ALDH8A1: variants seen among roughly 807,000 people sequenced by gnomAD.
ALDH8A1 encodes the protein aldehyde dehydrogenase 8 family member A1.
A neutral mutation model predicts 43.3 loss-of-function variants in ALDH8A1; 39 were observed. That is an observed-to-expected ratio of 0.90 (90% confidence interval 0.70 to 1.18). The LOEUF (loss-of-function observed/expected upper bound fraction) is 1.18, where lower values mean the gene tolerates loss of function less well. Ranked by LOEUF, ALDH8A1 falls within the 50% of genes most tolerant of loss-of-function variation. ALDH8A1 has a pLI of 0.00. For missense variants in ALDH8A1, 605 were observed against 622.6 expected (o/e 0.97, Z 0.30); for synonymous variants, 233 against 243.5 (o/e 0.96, Z 0.40).
intron 6 of ALDH8A1, among the ~76,000 whole-genome samples, chr6:134,919,949 C>T (rs1035536846): frequency 6.6e-6 from 1 of 152,196 alleles, no homozygotes; most frequent in Admixed American, 6.5e-5. Context: ...CACTCTGTCA[C>T]CTGGGCTGCA....
intron 2 of ALDH8A1, among the ~76,000 whole-genome samples, 186 bp downstream of exon 2, chr6:134,943,633 T>A (rs1339592872): frequency 6.6e-6 from 1 of 152,222 alleles, no homozygotes; most frequent in Non-Finnish European, 1.5e-5. Flanking sequence ...GCCATCTGAA[T>A]GAGACAGGGC....
At chr6:134,938,357 C>A (rs1488570450) in intron 4 of ALDH8A1, among the ~76,000 whole-genome samples, 6 of 152,232 alleles carry the variant, frequency 3.9e-5, no homozygotes, top group African/African-American at 1.4e-4. Context: ...CAGAACAAAA[C>A]CAGGAGCGCA....
intron 3 of ALDH8A1, among the ~76,000 whole-genome samples, chr6:134,941,843 A>G (rs1037578405): frequency 1.3e-5 from 2 of 151,962 alleles, no homozygotes; most frequent in Non-Finnish European, 2.9e-5. Flanking sequence ...TTTTTTAAAT[A>G]TAAGTAGAAA....
chr6:134,947,772 A>G (rs1488300188), intron 1 of ALDH8A1, among the ~76,000 whole-genome samples: 12 of 152,040 alleles, frequency 7.9e-5, no homozygotes, highest in Admixed American at 7.9e-4. Flanking sequence ...GCAAAAAAAA[A>G]GGGAAGACAA....
Position 134,922,207 on chromosome 6 carries a change from T to C in ALDH8A1, c.1012-3340A>G, listed in dbSNP as rs899474811. On this transcript the variant is annotated intron_variant, in intron 6 of 6. Coordinates refer to ENST00000265605, the MANE Select transcript of ALDH8A1 (RefSeq NM_022568.4). ...GCATTGTGGGCAGAGCTGAGAGGAG[T>C]TCTACTCTATGTGGGAGGGATCAGA... 1.3e-4 allele frequency among the ~76,000 whole-genome samples: 19 copies of C among 151,874 alleles called. No homozygotes were observed. In the East Asian group the frequency reaches 3.7e-3, roughly 29 times the overall value.
rs767791192 is a variant in ALDH8A1 at position 134,943,955 on chromosome 6, C to G, written c.150G>C (p.Ala50=). The change falls in exon 2 of 7, where the codon GCG becomes GCC. Residue 50 remains alanine (A), a synonymous_variant. Coordinates refer to ENST00000265605, the MANE Select transcript of ALDH8A1 (RefSeq NM_022568.4). The part of the protein sequence containing the change: ...PNSGKDEIEA[A]VKAAREAFPS... ...GAAAGGCTTCTCTGGCGGCCTTGAC[C>G]GCGGCTTCGATCTTTGAGGAGCAAA... 4 of 1,613,780 alleles carry G rather than the reference C, an allele frequency of 2.5e-6. No individual in the cohort carries two copies. The South Asian group carries it at 3.3e-5, about 13-fold the overall frequency.
At chr6:134,919,169 T>C (rs1776757527) in intron 6 of ALDH8A1, among the ~76,000 whole-genome samples, 1 of 152,242 alleles carries the variant, frequency 6.6e-6, no homozygotes, top group Admixed American at 6.5e-5. Context: ...TTATTAGCTA[T>C]TGTTAATCTA....
At chr6:134,942,927 G>C (rs542005744) in intron 2 of ALDH8A1, among the ~76,000 whole-genome samples, 37 of 152,200 alleles carry the variant, frequency 2.4e-4, no homozygotes, top group Non-Finnish European at 4.6e-4. Flanking sequence ...CGGGTGTTAG[G>C]ACAGTTGTAA....
At chr6:134,947,830 G>T (rs1381230777) in intron 1 of ALDH8A1, among the ~76,000 whole-genome samples, 1 of 141,850 alleles carries the variant, frequency 7.0e-6, no homozygotes, top group African/African-American at 2.8e-5. Context: ...TATGGAAAAC[G>T]CATGTAGGTT....
intron 6 of ALDH8A1, 116 bp from the exon 7 acceptor site, chr6:134,918,983 A>C: frequency 2.5e-6 from 3 of 1,192,912 alleles, no homozygotes; most frequent in Non-Finnish European, 3.5e-6. Flanking sequence ...ATTCCTAAGA[A>C]ATCTATGGTC....
At position 134,949,974 on chromosome 6, in the gene ALDH8A1, G is replaced by A. The variant is rs1024690743; in HGVS notation, c.80C>T (p.Ser27Phe). Reference protein sequence around the residue: ...KFLPCSSYIDSYDPSTGEVYC... With the variant: ...KFLPCSSYIDFYDPSTGEVYC... ...CACTTCCCCTGTTGATGGGTCGTAAGAATCTATATATGAGCTACAAGGTAA... is the reference window on the plus strand; with the variant it reads ...CACTTCCCCTGTTGATGGGTCGTAAAAATCTATATATGAGCTACAAGGTAA... The change falls in exon 1 of 7, where the codon TCT (serine) becomes TTT (phenylalanine). Residue 27 changes from serine (S) to phenylalanine (F), a missense_variant. Transcript: ENST00000265605. 5.0e-6 allele frequency: 8 copies of A among 1,612,872 alleles called. No individual in the cohort carries two copies.
intron 6 of ALDH8A1, among the ~76,000 whole-genome samples, chr6:134,926,345 G>A (rs1057397923): frequency 1.5e-4 from 22 of 151,678 alleles, no homozygotes; most frequent in Non-Finnish European, 2.8e-4. Flanking sequence ...GATTACAGGC[G>A]TGCGCCACAA....
Position 134,950,084 on chromosome 6 carries a change from C to G in ALDH8A1, c.-31G>C. 6.3e-7 allele frequency: 1 copy of G among 1,580,494 alleles called. No homozygotes were observed. Among genetic ancestry groups the G allele is most frequent in the Non-Finnish European group, 8.6e-7 (1 of 1,162,586 alleles). Reference sequence around the variant, plus strand: ...GGAAAAATTCTGCCTTTCCTCTTTACGACTGAGCACTCAGGTTGTCCCCAC... The same window carrying G: ...GGAAAAATTCTGCCTTTCCTCTTTAGGACTGAGCACTCAGGTTGTCCCCAC... On this transcript the variant is annotated 5_prime_UTR_variant, in exon 1 of 7. Coordinates refer to ENST00000265605, the MANE Select transcript of ALDH8A1 (RefSeq NM_022568.4).
chr6:134,937,975 A>T (rs74481340), intron 4 of ALDH8A1, among the ~76,000 whole-genome samples: 1 of 152,136 alleles, frequency 6.6e-6, no homozygotes, highest in Non-Finnish European at 1.5e-5. Flanking sequence ...CGTTCCCTAA[A>T]CAGCCTCAGT....
chr6:134,930,883 C>T (rs767798645), intron 5 of ALDH8A1, among the ~76,000 whole-genome samples: 19 of 152,310 alleles, frequency 1.2e-4, no homozygotes, highest in South Asian at 4.1e-4. Context: ...CCAGACACTG[C>T]GCAGGGTGCT....
chr6:134,918,667 A>G lies in ALDH8A1; in HGVS notation c.1212T>C (p.Ser404=). The G allele has an allele frequency of 6.2e-7, 1 of 1,614,114 alleles. No individual in the cohort carries two copies. Among genetic ancestry groups the G allele is most frequent in the South Asian group, 1.1e-5 (1 of 91,084 alleles). Residue 404 remains serine, a synonymous_variant, in exon 7 of 7, where the codon AGT becomes AGC. Transcript: ENST00000265605. ...TGGCTCTTTCAATCACCTCCTCTTC[A>G]CTATCAAAGGGGACGACACACGTCA... ...GPVTCVVPFD[S]EEEVIERANN...
rs531189491 is a variant in ALDH8A1, at chr6:134,939,101, C to A, written c.592+165G>T. 1.7e-3 allele frequency among the ~76,000 whole-genome samples: 264 copies of A among 152,226 alleles called. 1 individual carries two copies. The highest frequency in any genetic ancestry group is 5.8e-3 in the African/African-American group (239 of 41,534). On this transcript the variant is annotated intron_variant, in intron 4 of 6. Coordinates refer to ENST00000265605, the MANE Select transcript of ALDH8A1 (RefSeq NM_022568.4). ...CCGTTCTGGTGTTGAAGACAGGAAG[C>A]AGGGTGAGGGAACCCTGTGGGTGGA... is the stretch of plus-strand genomic sequence containing the variant.
chr6:134,948,252 G>T (rs1583039685), intron 1 of ALDH8A1, among the ~76,000 whole-genome samples: 2 of 152,138 alleles, frequency 1.3e-5, no homozygotes, highest in East Asian at 1.9e-4. Flanking sequence ...GGCTGGGAAG[G>T]GTAGAGGAGA....
chr6:134,937,499 C>G (rs1187004256), intron 4 of ALDH8A1, among the ~76,000 whole-genome samples: 1 of 152,096 alleles, frequency 6.6e-6, no homozygotes, highest in Non-Finnish European at 1.5e-5. Flanking sequence ...CTTACTAGTT[C>G]CCAAGAAATA....
Sources: allele counts gnomAD v4.1 joint callset (sites outside exome capture counted in the v4.1 genomes callset), GRCh38; gene constraint gnomAD v4.1.1; transcripts MANE v1.5; gene names NCBI Gene and HGNC (gene_info 2026-07-23, HGNC 2026-07-21).